The following IFI44 variants were observed in gnomAD, a reference collection of about 807,000 sequenced individuals.
The protein encoded by IFI44 is interferon-induced protein 44.
Under a neutral mutation model 45.0 loss-of-function variants are expected in IFI44, and 42 were observed. The ratio of observed to expected loss-of-function variants is 0.93; its 90% CI spans 0.73 to 1.21. The LOEUF (loss-of-function observed/expected upper bound fraction) is 1.21, where lower values mean the gene tolerates loss of function less well. Among genes scored for constraint, IFI44 ranks in the 50% most tolerant of loss-of-function variants. The probability of loss-of-function intolerance (pLI) is 0.00; values close to 1 mark genes in which losing one functional copy is unlikely to be tolerated. For synonymous variants in IFI44, 221 were observed against 188.6 expected, an observed-to-expected ratio of 1.17 and a Z score of -1.41; for missense variants, 623 against 525.8, an observed-to-expected ratio of 1.18 and a Z score of -1.81.
Position 78,660,428 on chromosome 1 carries a change from C to T in IFI44, c.1013-126C>T, listed in dbSNP as rs548232442. ...AGTTTTTTGGGGAGATGAGGGTGAC[C>T]GGGGTGTGGGGGATCTTTCCAAATC... On this transcript the variant is annotated intron_variant, in intron 6 of 8. Coordinates refer to ENST00000370747, the MANE Select transcript of IFI44 (RefSeq NM_006417.5). 2.0e-3 allele frequency: 1,305 copies of T among 659,896 alleles called. 3 individuals carry two copies. The highest frequency in any genetic ancestry group is 2.6e-3 in the South Asian group (130 of 49,760). 40.9% of individuals were successfully genotyped at this position (659,896 alleles called of 1,614,324 possible).
chr1:78,662,703 G>C lies in IFI44; in HGVS notation c.1114-1G>C. On this transcript the variant is annotated splice_acceptor_variant, in intron 7 of 8. Coordinates refer to ENST00000370747, the MANE Select transcript of IFI44 (RefSeq NM_006417.5). LOFTEE classifies it high-confidence loss of function. ...ATGTCTTTTTAATTTCTGTATTGCA[G>C]CTAGAGGAAGTCCAAAGAAAACTTG... 6.2e-7 allele frequency: 1 copy of C among 1,609,692 alleles called. No individual in the cohort carries two copies. The highest frequency in any genetic ancestry group is 8.5e-7 in the Non-Finnish European group (1 of 1,177,204).
intron 7 of IFI44, 26 bp from the exon 8 acceptor site, chr1:78,662,678 A>C: frequency 6.5e-7 from 1 of 1,534,582 alleles, no homozygotes; most frequent in Non-Finnish European, 9.0e-7. Flanking sequence ...CTGTTTTGCA[A>C]TGTCTTTTTA....
In IFI44 at chr1:78,660,642, T is replaced by C; in HGVS notation, c.1101T>C (p.Pro367=). The C allele has an allele frequency of 1.9e-6, 3 of 1,609,516 alleles. No homozygotes were observed. Among genetic ancestry groups the C allele is most frequent in the Non-Finnish European group, 2.6e-6 (3 of 1,175,950 alleles). ...TTATAGAAATAGAGAGATGTGAGCC[T>C]GTGAGGTCCAAGGTAATGAATGATG... The part of the protein sequence containing the change: ...GDLIEIERCE[P]VRSKLEEVQR... The change falls in exon 7 of 9, where the codon CCT becomes CCC. Residue 367 remains proline (P), a synonymous_variant. Coordinates refer to ENST00000370747, the MANE Select transcript of IFI44 (RefSeq NM_006417.5).
chr1:78,655,647 A>G, intron 5 of IFI44, 136 bp downstream of exon 5: 1 of 746,764 alleles, frequency 1.3e-6, no homozygotes, highest in Non-Finnish European at 2.1e-6. Context: ...TTCAAAAAGA[A>G]TAAAAACATC....
chr1:78,660,477 A>G (rs912621052), intron 6 of IFI44, 77 bp from the exon 7 acceptor site: 8 of 1,063,056 alleles, frequency 7.5e-6, no homozygotes, highest in African/African-American at 6.3e-5. Context: ...TAGGTTGCCT[A>G]TTACATAATT....
In IFI44 at chr1:78,663,895, T is replaced by C; in HGVS notation, c.*84T>C. On this transcript the variant is annotated 3_prime_UTR_variant, in exon 9 of 9. Coordinates refer to ENST00000370747, the MANE Select transcript of IFI44 (RefSeq NM_006417.5). ...AGAAAACACAGACCAAAGAGAAGTA[T>C]CTAAGACCAAAGGGATGTGTTTTAT... The C allele has an allele frequency of 7.6e-7, 1 of 1,315,694 alleles. No homozygotes were observed. Among genetic ancestry groups the C allele is most frequent in the South Asian group, 1.4e-5 (1 of 74,052 alleles). The allele number at this position is 1,315,694 out of a possible 1,614,324, so 81.5% of individuals were successfully genotyped here.
At position 78,660,331 on chromosome 1, in the gene IFI44, G is replaced by T. The variant is rs115184117; in HGVS notation, c.1013-223G>T. On this transcript the variant is annotated intron_variant, in intron 6 of 8. Coordinates refer to ENST00000370747, the MANE Select transcript of IFI44 (RefSeq NM_006417.5). ...GGTGGTTTCATTTGAGGCCTCATTT[G>T]TTACCATTGAAATCAATGAAGGTGA... Among the ~76,000 whole-genome samples, 1,002 of 152,140 alleles carry T rather than the reference G, an allele frequency of 6.6e-3. 8 individuals carry two copies. The highest frequency in any genetic ancestry group is 0.023 in the African/African-American group (966 of 41,484).
In IFI44 at chr1:78,654,180, T is replaced by C; in HGVS notation, c.458-63T>C. ...CCCTAGTGAATTCACTGATATTCAT[T>C]CATTCATTCAGCCAATTATTCGACA... is the stretch of plus-strand genomic sequence containing the variant. On this transcript the variant is annotated intron_variant, in intron 2 of 8. Coordinates refer to ENST00000370747, the MANE Select transcript of IFI44 (RefSeq NM_006417.5). The C allele has an allele frequency of 7.0e-6, 6 of 861,908 alleles. No individual in the cohort carries two copies. In the South Asian group the frequency reaches 8.1e-5, roughly 12 times the overall value. The allele number at this position is 861,908 out of a possible 1,614,324, so 53.4% of individuals were successfully genotyped here.
chr1:78,655,579 C>A, intron 5 of IFI44, 68 bp downstream of exon 5: 1 of 1,326,580 alleles, frequency 7.5e-7, no homozygotes, highest in Non-Finnish European at 1.0e-6. Flanking sequence ...AATGTATCAG[C>A]GTTTATCTTC....
At chr1:78,660,913 C>A (rs887037532) in intron 7 of IFI44, 2 of 448,748 alleles carry the variant, frequency 4.5e-6, no homozygotes, top group Non-Finnish European at 4.1e-6. Context: ...TGCATATAAC[C>A]TATGCACATC....
intron 8 of IFI44, chr1:78,663,088 T>C: frequency 2.0e-6 from 2 of 985,324 alleles, no homozygotes; most frequent in Non-Finnish European, 1.2e-6. Context: ...CTGCACTATG[T>C]TTTTCCCTTT....
rs1020091693 is a variant in IFI44 at position 78,656,091 on chromosome 1, G to A, written c.840+580G>A. On this transcript the variant is annotated intron_variant, in intron 5 of 8. Coordinates refer to ENST00000370747, the MANE Select transcript of IFI44 (RefSeq NM_006417.5). ...CTCTCTATAAACCAGGAAGAGGACC[G>A]TGACTAGAAACTGAATCTTCTGGCC... 9.2e-5 allele frequency among the ~76,000 whole-genome samples: 14 copies of A among 152,250 alleles called. No individual in the cohort carries two copies. The South Asian group carries it at 2.9e-3, about 32-fold the overall frequency.
At chr1:78,655,284 C>T (rs1216332907) in intron 4 of IFI44, 75 bp downstream of exon 4, 1 of 1,560,432 alleles carries the variant, frequency 6.4e-7, no homozygotes, top group East Asian at 2.2e-5. Context: ...TTTTGCAGAT[C>T]AACTTTATTA....
intron 3 of IFI44, 133 bp from the exon 4 acceptor site, chr1:78,654,881 C>T: frequency 3.0e-6 from 2 of 656,862 alleles, no homozygotes; most frequent in Non-Finnish European, 2.4e-6. Context: ...AGGTTCGTCT[C>T]ATGTCTTTCA....
chr1:78,655,079 T>TA lies in IFI44; in HGVS notation c.561dup (p.Arg188ThrfsTer36). 1 of 1,613,934 alleles carries TA rather than the reference T, an allele frequency of 6.2e-7. No homozygotes were observed. Among genetic ancestry groups the TA allele is most frequent in the Non-Finnish European group, 8.5e-7 (1 of 1,179,874 alleles). ...CCATATGGATCCCTGGTTCAACAAA[T>TA]ACGAATTCTGCTGCTGGGTCCAATT... On this transcript the variant is annotated frameshift_variant, in exon 4 of 9. Transcript: ENST00000370747. LOFTEE classifies it high-confidence loss of function.
chr1:78,655,595 T>A, intron 5 of IFI44, 84 bp downstream of exon 5: 1 of 1,210,360 alleles, frequency 8.3e-7, no homozygotes, highest in East Asian at 2.5e-5. Context: ...TCTTCTTAAA[T>A]TATACTTGCT....
intron 5 of IFI44, among the ~76,000 whole-genome samples, chr1:78,658,511 AAATTTAGGAATTG>A: frequency 6.6e-6 from 1 of 152,308 alleles, no homozygotes; most frequent in South Asian, 2.1e-4. Context: ...TAATTAAATT[AAATTTAGGAATTG>A]AATTGTTAAG....
intron 5 of IFI44, among the ~76,000 whole-genome samples, chr1:78,657,453 T>G (rs1647242891): frequency 6.6e-6 from 1 of 152,112 alleles, no homozygotes; most frequent in African/African-American, 2.4e-5. Context: ...GTGTTTCAAT[T>G]TAGGTTCTAC....
At chr1:78,660,753 A>G (rs781615935) in intron 7 of IFI44, 99 bp downstream of exon 7, 11 of 817,718 alleles carry the variant, frequency 1.3e-5, no homozygotes, top group Non-Finnish European at 2.1e-5. Context: ...TACTGGGTTT[A>G]AGAAGAATTA....
Sources: allele counts gnomAD v4.1 joint callset (sites outside exome capture counted in the v4.1 genomes callset), GRCh38; gene constraint gnomAD v4.1.1; transcripts MANE v1.5; gene names NCBI Gene and HGNC (gene_info 2026-07-23, HGNC 2026-07-21).